The following GPSM2 variants were observed in gnomAD, a reference collection of about 807,000 sequenced individuals.
GPSM2 encodes G protein-signaling modulator 2.
GPSM2 carries 58 observed loss-of-function variants against 78.4 expected under a neutral mutation model. The observed-to-expected ratio is 0.74, with a 90% CI of 0.60 to 0.92. The LOEUF is 0.92. GPSM2 is among the 40% of genes least tolerant of loss of function. The probability of loss-of-function intolerance (pLI) is 0.00; values close to 1 mark genes in which losing one functional copy is unlikely to be tolerated. For synonymous variants in GPSM2, 224 were observed against 280.2 expected (o/e 0.80, Z 2.00); for missense variants, 700 against 815.5 (o/e 0.86, Z 1.73).
At chr1:108,929,073 A>G (rs936504883) in intron 14 of GPSM2, among the ~76,000 whole-genome samples, 5 of 152,066 alleles carry the variant, frequency 3.3e-5, no homozygotes, top group African/African-American at 1.2e-4. Context: ...CTTTTTCTGT[A>G]AAAGGCCAGA....
rs762672086 is a variant in GPSM2 at position 108,897,009 on chromosome 1, T to C, written c.202T>C (p.Leu68=). The C allele has an allele frequency of 2.5e-6, 4 of 1,613,870 alleles. No individual in the cohort carries two copies. Among genetic ancestry groups the C allele is most frequent in the African/African-American group, 1.3e-5 (1 of 74,944 alleles). The change falls in exon 3 of 15, where the codon TTG becomes CTG. Residue 68 remains leucine (L), a synonymous_variant. Coordinates refer to ENST00000264126, the MANE Select transcript of GPSM2 (RefSeq NM_013296.5). ...AACACTTAGCGCTATTTACAGCCAG[T>C]TGGGCAATGCTTATTTCTATTTGCA... ...LKTLSAIYSQ[L]GNAYFYLHDY... is the part of the protein sequence containing the mutation.
chr1:108,881,095 A>G (rs1360053235), intron 1 of GPSM2, among the ~76,000 whole-genome samples: 2 of 152,208 alleles, frequency 1.3e-5, no homozygotes, highest in East Asian at 1.9e-4. Context: ...TCCTAATCAG[A>G]TAATTAAATG....
intron 1 of GPSM2, among the ~76,000 whole-genome samples, chr1:108,884,230 T>C (rs951763454): frequency 4.1e-4 from 62 of 152,118 alleles, no homozygotes; most frequent in African/African-American, 1.4e-3. Flanking sequence ...GCATGAGCCA[T>C]TGCACCTGGC....
chr1:108,907,270 G>T (rs540147773), intron 10 of GPSM2, among the ~76,000 whole-genome samples: 1 of 152,214 alleles, frequency 6.6e-6, no homozygotes, highest in Non-Finnish European at 1.5e-5. Context: ...CTTAATTCAT[G>T]AATTCATAAG....
At chr1:108,920,754 T>C (rs916380997) in intron 12 of GPSM2, among the ~76,000 whole-genome samples, 2 of 152,152 alleles carry the variant, frequency 1.3e-5, no homozygotes, top group African/African-American at 4.8e-5. Context: ...TTTGTAGGTC[T>C]AGAGCAGGAC....
rs567208191 is a variant in GPSM2 at position 108,880,359 on chromosome 1, C to T, written c.-249+3131C>T. The stretch of plus-strand genomic sequence containing the variant: ...CCTGTAATCCCAGCACTTTGAGGGG[C>T]CCAGGTGGGCGGATCACTTGAGACC... On this transcript the variant is annotated intron_variant, in intron 1 of 14. Coordinates refer to ENST00000264126, the MANE Select transcript of GPSM2 (RefSeq NM_013296.5). 3.9e-5 allele frequency among the ~76,000 whole-genome samples: 6 copies of T among 152,250 alleles called. No homozygotes were observed. The South Asian group carries it at 1.2e-3, about 32-fold the overall frequency.
intron 2 of GPSM2, 96 bp from the exon 3 acceptor site, chr1:108,896,768 C>T: frequency 1.0e-6 from 1 of 952,644 alleles, no homozygotes; most frequent in Non-Finnish European, 1.7e-6. Flanking sequence ...CTGCCCTGAA[C>T]AAGAGTAGCC....
intron 9 of GPSM2, among the ~76,000 whole-genome samples, chr1:108,903,742 CATTATT>C (rs1649007487): frequency 2.0e-5 from 3 of 152,038 alleles, no homozygotes. Flanking sequence ...GCTTAATAAA[CATTATT>C]ATTATACTAT....
At chr1:108,913,384 T>C (rs894943678) in intron 10 of GPSM2, among the ~76,000 whole-genome samples, 1 of 152,178 alleles carries the variant, frequency 6.6e-6, no homozygotes, top group Non-Finnish European at 1.5e-5. Flanking sequence ...TGAGACTGTG[T>C]GGATAGTATA....
In GPSM2 at chr1:108,922,330, G is replaced by T. The variant is rs993433361; in HGVS notation, c.1441-87G>T. The T allele has an allele frequency of 3.2e-6, 3 of 931,412 alleles. No individual in the cohort carries two copies. The African/African-American group carries it at 4.9e-5, about 15-fold the overall frequency. 57.7% of individuals were successfully genotyped at this position (931,412 alleles called of 1,614,324 possible). A position where few individuals can be genotyped will look rare whatever the true frequency, so the allele number is the denominator to read the frequency against. On this transcript the variant is annotated intron_variant, in intron 12 of 14. Transcript: ENST00000264126. ...TTTTAATCCTCATCCTTTACCTTTTGCATTTGAATGCATCATGATGTTCAT... is the reference window on the plus strand; with the variant it reads ...TTTTAATCCTCATCCTTTACCTTTTTCATTTGAATGCATCATGATGTTCAT...
At chr1:108,907,251 G>A (rs1056788589) in intron 10 of GPSM2, among the ~76,000 whole-genome samples, 9 of 152,154 alleles carry the variant, frequency 5.9e-5, no homozygotes, top group South Asian at 2.1e-4. Context: ...AGGAGCCTTC[G>A]CTAAAAATCT....
In GPSM2 at chr1:108,918,720, G is replaced by A. The variant is rs1336102605; in HGVS notation, c.1371G>A (p.Thr457=). ...VNRLKGKKYK[T]NSSTKVLQDA... Reference sequence around the variant, plus strand: ...GACTGAAGGGGAAAAAATACAAAACGAATTCCTCCACTAAAGTTCTCCAAG... The same window carrying A: ...GACTGAAGGGGAAAAAATACAAAACAAATTCCTCCACTAAAGTTCTCCAAG... The change falls in exon 12 of 15, where the codon ACG becomes ACA. Residue 457 remains threonine (T), a synonymous_variant. Coordinates refer to ENST00000264126, the MANE Select transcript of GPSM2 (RefSeq NM_013296.5). 8 of 1,613,158 alleles carry A rather than the reference G, an allele frequency of 5.0e-6. No homozygotes were observed. The highest frequency in any genetic ancestry group is 1.3e-5 in the African/African-American group (1 of 74,834).
Position 108,901,934 on chromosome 1 carries a change from G to C in GPSM2, c.942G>C (p.Glu314Asp). ...TGAAGCACTTAGCAATTGCTCAAGA[G>C]CTGAATGATAGGTATGTTTTACGTC... ...YHLKHLAIAQ[E>D]LNDRIGEGRA... Residue 314 changes from glutamate to aspartate, a missense_variant, in exon 8 of 15, where the codon GAG (glutamate) becomes GAC (aspartate). Coordinates refer to ENST00000264126, the MANE Select transcript of GPSM2 (RefSeq NM_013296.5). 1.2e-6 allele frequency: 2 copies of C among 1,608,284 alleles called. No individual in the cohort carries two copies. Among genetic ancestry groups the C allele is most frequent in the South Asian group, 1.1e-5 (1 of 90,960 alleles).
At chr1:108,904,299 TTTAGA>T (rs773110717) in intron 10 of GPSM2, 45 bp downstream of exon 10, 24 of 1,225,790 alleles carry the variant, frequency 2.0e-5, no homozygotes, top group South Asian at 7.4e-5. Flanking sequence ...ATCCTCAATA[TTTAGA>T]TTAAAGTTAT....
At chr1:108,912,989 A>G (rs1220759416) in intron 10 of GPSM2, among the ~76,000 whole-genome samples, 1 of 152,172 alleles carries the variant, frequency 6.6e-6, no homozygotes, top group Non-Finnish European at 1.5e-5. Context: ...TCATCTCATC[A>G]GCAAACATCA....
intron 14 of GPSM2, among the ~76,000 whole-genome samples, chr1:108,928,477 G>A (rs530093970): frequency 6.6e-6 from 1 of 152,274 alleles, no homozygotes; most frequent in African/African-American, 2.4e-5. Context: ...TCACTTAGGA[G>A]GGCAGTAAAT....
intron 2 of GPSM2, among the ~76,000 whole-genome samples, chr1:108,890,959 G>GA (rs1325910973): frequency 5.9e-5 from 9 of 151,962 alleles, no homozygotes; most frequent in African/African-American, 4.8e-5. Flanking sequence ...TGTATTTTTT[G>GA]AAAAAGATTA....
intron 2 of GPSM2, among the ~76,000 whole-genome samples, chr1:108,895,405 T>C (rs1648275728): frequency 6.7e-6 from 1 of 148,862 alleles, no homozygotes; most frequent in Non-Finnish European, 1.5e-5. Context: ...AATAATTTCA[T>C]ATTTGTTTAA....
intron 10 of GPSM2, among the ~76,000 whole-genome samples, chr1:108,912,216 T>A (rs1368118144): frequency 6.6e-6 from 1 of 152,146 alleles, no homozygotes; most frequent in Non-Finnish European, 1.5e-5. Flanking sequence ...ATTCATAAGT[T>A]TATATGAAAC....
Sources: allele counts gnomAD v4.1 joint callset (sites outside exome capture counted in the v4.1 genomes callset), GRCh38; gene constraint gnomAD v4.1.1; transcripts MANE v1.5; gene names NCBI Gene and HGNC (gene_info 2026-07-23, HGNC 2026-07-21).